FAM184A: variants seen among roughly 807,000 people sequenced by gnomAD.
FAM184A encodes family with sequence similarity 184 member A, also known as protein FAM184A.
FAM184A carries 99 observed loss-of-function variants against 143.8 expected under a neutral mutation model. The observed-to-expected ratio is 0.69, with a 90% CI of 0.58 to 0.81. FAM184A has a LOEUF of 0.81. FAM184A is among the 40% of genes least tolerant of loss of function. The pLI, the probability that FAM184A is intolerant of heterozygous loss-of-function variation, is 0.00. For missense variants in FAM184A, 1,217 were observed against 1,310.5 expected (o/e 0.93, Z 1.10); for synonymous variants, 427 against 446.4 (o/e 0.96, Z 0.55).
rs368353614 is a variant in FAM184A at position 119,043,251 on chromosome 6, G to A, written c.160-18438C>T. Among the ~76,000 whole-genome samples the A allele has an allele frequency of 3.5e-4, 53 of 152,234 alleles. No homozygotes were observed. The South Asian group carries it at 0.011, about 32-fold the overall frequency. ...CTTTCACTCTAAGAAAAGCCTCCAAGGACAGACAGGACACAGGCATTGGCT... is the reference window on the plus strand; with the variant it reads ...CTTTCACTCTAAGAAAAGCCTCCAAAGACAGACAGGACACAGGCATTGGCT... On this transcript the variant is annotated intron_variant, in intron 1 of 17. Transcript: ENST00000338891.
chr6:119,029,116 G>A (rs955113119), intron 1 of FAM184A, among the ~76,000 whole-genome samples: 7 of 152,174 alleles, frequency 4.6e-5, no homozygotes, highest in African/African-American at 1.7e-4. Flanking sequence ...CACTGGTATA[G>A]GCCACAGGCT....
At chr6:118,981,753 G>A (rs1237319058) in intron 9 of FAM184A, among the ~76,000 whole-genome samples, 1 of 152,184 alleles carries the variant, frequency 6.6e-6, no homozygotes. Flanking sequence ...TTATCAATCA[G>A]AGTTAGTTAT....
At chr6:119,004,083 A>T (rs1784851651) in intron 7 of FAM184A, among the ~76,000 whole-genome samples, 1 of 152,246 alleles carries the variant, frequency 6.6e-6, no homozygotes, top group Non-Finnish European at 1.5e-5. Context: ...AATTTAGGCT[A>T]CTGTTTTTAT....
chr6:119,027,593 C>G (rs1410805826), intron 1 of FAM184A, among the ~76,000 whole-genome samples: 1 of 152,212 alleles, frequency 6.6e-6, no homozygotes, highest in Non-Finnish European at 1.5e-5. Context: ...TTCCAGGCAT[C>G]TAGCTAGCCC....
At chr6:119,058,178 T>C (rs1383709422) in intron 1 of FAM184A, among the ~76,000 whole-genome samples, 12 of 134,668 alleles carry the variant, frequency 8.9e-5, no homozygotes, top group South Asian at 2.6e-4. Context: ...CTTCTCTCTT[T>C]TTTTTTTTTT....
chr6:119,036,102 A>G (rs1786102638), intron 1 of FAM184A, among the ~76,000 whole-genome samples: 1 of 152,210 alleles, frequency 6.6e-6, no homozygotes, highest in Admixed American at 6.5e-5. Flanking sequence ...TCTACTAGAG[A>G]GATGCACTGA....
chr6:119,101,212 A>T (rs929623652), intron 1 of FAM184A, among the ~76,000 whole-genome samples: 1 of 151,486 alleles, frequency 6.6e-6, no homozygotes, highest in Non-Finnish European at 1.5e-5. Flanking sequence ...GATTACAGGC[A>T]TGCACCACCA....
chr6:118,989,226 G>A (rs1391889959), intron 9 of FAM184A, among the ~76,000 whole-genome samples: 1 of 98,954 alleles, frequency 1.0e-5, no homozygotes, highest in Non-Finnish European at 2.1e-5. Context: ...CTCCCAAAGT[G>A]CTTGGGATTA....
chr6:119,102,784 C>CA (rs58686018), intron 1 of FAM184A, among the ~76,000 whole-genome samples: 683 of 30,028 alleles, frequency 0.023, 84 homozygotes, highest in African/African-American at 0.054. Context: ...GACTCCATCT[C>CA]AAAAAAAAAA....
intron 7 of FAM184A, chr6:119,006,198 C>A (rs1784911848): frequency 1.3e-6 from 1 of 764,610 alleles, no homozygotes; most frequent in African/African-American, 1.7e-5. Flanking sequence ...AAGGACGGAT[C>A]TTCCCTTAGA....
chr6:118,996,354 G>A (rs1401365410), intron 9 of FAM184A, among the ~76,000 whole-genome samples: 9 of 152,138 alleles, frequency 5.9e-5, no homozygotes, highest in Non-Finnish European at 1.3e-4. Context: ...TTTGAATTCA[G>A]GACTTGGCGT....
At position 118,997,304 on chromosome 6, in the gene FAM184A, G is replaced by A. The variant is rs548355788; in HGVS notation, c.2088+5595C>T. Among the ~76,000 whole-genome samples the A allele has an allele frequency of 4.6e-4, 61 of 131,608 alleles. 1 individual carries two copies. Among genetic ancestry groups the A allele is most frequent in the African/African-American group, 1.7e-3 (59 of 34,636 alleles). 86.3% of individuals were successfully genotyped at this position (131,608 alleles called of 152,430 possible). ...CACCTCAAAGCACTCCAGCCTGGGT[G>A]ACTAAGTGAAACTCCATCTCAAAAA... On this transcript the variant is annotated intron_variant, in intron 9 of 17. Transcript: ENST00000338891.
intron 1 of FAM184A, among the ~76,000 whole-genome samples, chr6:119,049,454 A>C (rs1468210394): frequency 6.6e-6 from 1 of 151,536 alleles, no homozygotes; most frequent in Non-Finnish European, 1.5e-5. Context: ...GTCTCAAAAA[A>C]TAAAATAAAA....
intron 1 of FAM184A, among the ~76,000 whole-genome samples, chr6:119,040,960 G>C (rs1471145237): frequency 6.6e-6 from 1 of 152,168 alleles, no homozygotes; most frequent in African/African-American, 2.4e-5. Context: ...AAGGGCTGCT[G>C]TTTTTGCAAG....
chr6:119,142,987 C>G (rs1279720679), intron 1 of FAM184A, among the ~76,000 whole-genome samples: 1 of 152,076 alleles, frequency 6.6e-6, no homozygotes, highest in Admixed American at 6.5e-5. Context: ...GCTGAGGGCA[C>G]CAGGGGTTTC....
At chr6:118,987,675 AAAGG>A (rs1784235591) in intron 9 of FAM184A, among the ~76,000 whole-genome samples, 1 of 152,214 alleles carries the variant, frequency 6.6e-6, no homozygotes, top group African/African-American at 2.4e-5. Context: ...TACTTTTAAA[AAAGG>A]AAGTCACTAA....
At chr6:119,020,443 T>G (rs569462151) in intron 3 of FAM184A, among the ~76,000 whole-genome samples, 5 of 152,322 alleles carry the variant, frequency 3.3e-5, no homozygotes, top group African/African-American at 1.2e-4. Flanking sequence ...TGTTTTTGTT[T>G]TTTTAAGATT....
At chr6:119,040,519 A>AGG (rs1237790977) in intron 1 of FAM184A, among the ~76,000 whole-genome samples, 10 of 152,172 alleles carry the variant, frequency 6.6e-5, no homozygotes, top group Non-Finnish European at 1.3e-4. Context: ...CAGGGACTTT[A>AGG]GGGTCTGTAC....
intron 9 of FAM184A, among the ~76,000 whole-genome samples, chr6:118,980,574 T>C (rs571710325): frequency 6.6e-6 from 1 of 152,336 alleles, no homozygotes; most frequent in Non-Finnish European, 1.5e-5. Context: ...AGTTATATTG[T>C]TTATAGACTG....
Sources: allele counts gnomAD v4.1 joint callset (sites outside exome capture counted in the v4.1 genomes callset), GRCh38; gene constraint gnomAD v4.1.1; transcripts MANE v1.5; gene names NCBI Gene and HGNC (gene_info 2026-07-23, HGNC 2026-07-21).